ADIPOR2: variants seen among roughly 807,000 people sequenced by gnomAD.
The protein encoded by ADIPOR2 is adiponectin receptor 2, also known as adiponectin receptor protein 2.
Under a neutral mutation model 40.9 loss-of-function variants are expected in ADIPOR2, and 18 were observed. The ratio of observed to expected loss-of-function variants is 0.44; its 90% CI spans 0.30 to 0.65. The LOEUF (loss-of-function observed/expected upper bound fraction) is 0.65, where lower values mean the gene tolerates loss of function less well. Among genes scored for constraint, ADIPOR2 ranks in the 30% least tolerant of loss-of-function variants. The pLI is 0.09. For synonymous variants in ADIPOR2, 165 were observed against 166.4 expected (o/e 0.99, Z 0.06); for missense variants, 283 against 479.2 (o/e 0.59, Z 3.82).
At chr12:1,782,976 C>CTTTTTTTTTTTTT (rs71055199) in intron 6 of ADIPOR2, among the ~76,000 whole-genome samples, 18 of 109,750 alleles carry the variant, frequency 1.6e-4, no homozygotes, top group Non-Finnish European at 2.2e-4. Flanking sequence ...TTCTTTCTTT[C>CTTTTTTTTTTTTT]TTTTTTTTTT....
chr12:1,754,818 C>T (rs1342475506), intron 2 of ADIPOR2, among the ~76,000 whole-genome samples: 5 of 151,482 alleles, frequency 3.3e-5, no homozygotes, highest in Admixed American at 6.6e-5. Flanking sequence ...CTGCAACCTC[C>T]GCCTCCTGGG....
chr12:1,707,171 C>T (rs1385039110), intron 1 of ADIPOR2, among the ~76,000 whole-genome samples: 4 of 152,126 alleles, frequency 2.6e-5, no homozygotes, highest in African/African-American at 9.7e-5. Context: ...TTTCTTCATT[C>T]ACCTGATATT....
chr12:1,751,253 G>A (rs1384792731), intron 1 of ADIPOR2, among the ~76,000 whole-genome samples: 2 of 151,854 alleles, frequency 1.3e-5, no homozygotes, highest in Non-Finnish European at 2.9e-5. Context: ...TCTGTAGAGT[G>A]GCCAATATTT....
chr12:1,748,070 C>T (rs950152816), intron 1 of ADIPOR2, among the ~76,000 whole-genome samples: 3 of 152,030 alleles, frequency 2.0e-5, no homozygotes, highest in Admixed American at 1.3e-4. Flanking sequence ...ATTGGTGTCC[C>T]ACATAGCTCT....
At chr12:1,755,205 G>A (rs1412557197) in intron 2 of ADIPOR2, among the ~76,000 whole-genome samples, 1 of 151,560 alleles carries the variant, frequency 6.6e-6, no homozygotes, top group East Asian at 1.9e-4. Flanking sequence ...TCAGCCTCCC[G>A]AGTAGCTGGG....
In ADIPOR2 at chr12:1,754,349, C is replaced by T. The variant is rs370708113; in HGVS notation, c.6C>T (p.Asn2=). 4.3e-5 allele frequency: 69 copies of T among 1,601,296 alleles called. No homozygotes were observed. Among genetic ancestry groups the T allele is most frequent in the Middle Eastern group, 1.7e-4 (1 of 6,040 alleles). Residue 2 remains asparagine, a synonymous_variant, in exon 2 of 8, where the codon AAC becomes AAT. Transcript: ENST00000357103. ...AAGAAAGGCTTGGGTATCCCATGAACGAGCCAACAGAAAACCGATTGGGGT... is the reference window on the plus strand; with the variant it reads ...AAGAAAGGCTTGGGTATCCCATGAATGAGCCAACAGAAAACCGATTGGGGT... M[N]EPTENRLGCS...
At chr12:1,785,917 C>T (rs1317177583) in intron 7 of ADIPOR2, 27 bp from the exon 8 acceptor site, 2 of 1,612,626 alleles carry the variant, frequency 1.2e-6, no homozygotes, top group Middle Eastern at 3.3e-4. Context: ...GTTTCTCTAC[C>T]CCCTTCTCTT....
chr12:1,768,282 C>G (rs964826556), intron 2 of ADIPOR2, among the ~76,000 whole-genome samples: 4 of 152,112 alleles, frequency 2.6e-5, no homozygotes, highest in Non-Finnish European at 4.4e-5. Context: ...TTGCTACTTT[C>G]CTAAATGCCC....
chr12:1,775,761 C>G (rs754235531), intron 3 of ADIPOR2, among the ~76,000 whole-genome samples: 11 of 152,114 alleles, frequency 7.2e-5, no homozygotes, highest in Non-Finnish European at 1.3e-4. Flanking sequence ...GCAAAAAATT[C>G]AGTATCTTGG....
At chr12:1,717,103 G>A (rs1161814628) in intron 1 of ADIPOR2, among the ~76,000 whole-genome samples, 1 of 152,194 alleles carries the variant, frequency 6.6e-6, no homozygotes, top group East Asian at 1.9e-4. Flanking sequence ...GTTGAGATGA[G>A]TCAACTTGTT....
At chr12:1,764,178 A>G (rs1862326314) in intron 2 of ADIPOR2, among the ~76,000 whole-genome samples, 1 of 152,252 alleles carries the variant, frequency 6.6e-6, no homozygotes, top group Admixed American at 6.5e-5. Context: ...TGGGTGATAA[A>G]CATCTAAGAT....
At chr12:1,752,012 A>G (rs1363136339) in intron 1 of ADIPOR2, among the ~76,000 whole-genome samples, 6 of 150,376 alleles carry the variant, frequency 4.0e-5, no homozygotes, top group African/African-American at 7.3e-5. Context: ...GGTTCGAGCA[A>G]TTCTCCTGCC....
chr12:1,729,617 GTTTT>G (rs56921758), intron 1 of ADIPOR2, among the ~76,000 whole-genome samples: 30 of 88,990 alleles, frequency 3.4e-4, no homozygotes, highest in African/African-American at 1.4e-3. Context: ...TCAGCCAGTT[GTTTT>G]TTTTTTTTTT....
Position 1,744,528 on chromosome 12 carries a change from G to A in ADIPOR2, c.-86-9730G>A, listed in dbSNP as rs367739828. Among the ~76,000 whole-genome samples, 9 of 151,264 alleles carry A rather than the reference G, an allele frequency of 5.9e-5. No individual in the cohort carries two copies. The East Asian group carries it at 1.6e-3, about 26-fold the overall frequency. On this transcript the variant is annotated intron_variant, in intron 1 of 7. Coordinates refer to ENST00000357103, the MANE Select transcript of ADIPOR2 (RefSeq NM_024551.3). ...TTTTTGTATTTTTTTGTAGAGATGG[G>A]GTTTCACCATGTTGACCAGGCTGAT... is the stretch of plus-strand genomic sequence containing the variant.
At chr12:1,693,011 C>T (rs1030870275) in intron 1 of ADIPOR2, among the ~76,000 whole-genome samples, 5 of 151,948 alleles carry the variant, frequency 3.3e-5, no homozygotes, top group Non-Finnish European at 5.9e-5. Flanking sequence ...AAAAATTAGC[C>T]GGGTGTGGTG....
intron 1 of ADIPOR2, among the ~76,000 whole-genome samples, chr12:1,743,548 G>A (rs1322254312): frequency 6.6e-6 from 1 of 151,976 alleles, no homozygotes; most frequent in Non-Finnish European, 1.5e-5. Context: ...GCACACGCCT[G>A]TAGTCTAAGC....
chr12:1,724,622 G>A (rs4766413), intron 1 of ADIPOR2, among the ~76,000 whole-genome samples: 105,136 of 152,050 alleles, frequency 0.69, 36,685 homozygotes, highest in Non-Finnish European at 0.71. Context: ...TGCACTTAAA[G>A]ATAATTTAGA....
At chr12:1,697,231 G>GT in intron 1 of ADIPOR2, 1 of 152,206 alleles carries the variant, frequency 6.6e-6, no homozygotes, top group Non-Finnish European at 1.5e-5. Flanking sequence ...TAGCTTAAAA[G>GT]TTAAACACTG....
chr12:1,781,766 C>T (rs1826752713), intron 6 of ADIPOR2, among the ~76,000 whole-genome samples: 1 of 152,136 alleles, frequency 6.6e-6, no homozygotes, highest in Non-Finnish European at 1.5e-5. Flanking sequence ...CGTCCTTAAA[C>T]CCCCAAAACC....
Sources: allele counts gnomAD v4.1 joint callset (sites outside exome capture counted in the v4.1 genomes callset), GRCh38; gene constraint gnomAD v4.1.1; transcripts MANE v1.5; gene names NCBI Gene and HGNC (gene_info 2026-07-23, HGNC 2026-07-21).